CPLANE1: variants seen among roughly 807,000 people sequenced by gnomAD.
CPLANE1 encodes ciliogenesis and planar polarity effector 1.
A neutral mutation model predicts 362.5 loss-of-function variants in CPLANE1; 263 were observed. The observed-to-expected ratio is 0.73, with a 90% CI of 0.66 to 0.80. CPLANE1 has a LOEUF of 0.80. Ranked by LOEUF, CPLANE1 falls within the 30% of genes least tolerant of loss-of-function variation. The probability of loss-of-function intolerance (pLI) is 0.00; values close to 1 mark genes in which losing one functional copy is unlikely to be tolerated. For missense variants in CPLANE1, 3,461 were observed against 3,793.4 expected, an observed-to-expected ratio of 0.91 and a Z score of 2.30; for synonymous variants, 1,212 against 1,302.6, an observed-to-expected ratio of 0.93 and a Z score of 1.50.
the CPLANE1 span, among the ~76,000 whole-genome samples, chr5:37,076,795 G>T: frequency 6.7e-6 from 1 of 148,456 alleles, no homozygotes; most frequent in Non-Finnish European, 1.5e-5. Context: ...ATTTAATTTG[G>T]ATTTTCCCTT....
Position 37,168,852 on chromosome 5 carries a change from G to C in CPLANE1, c.7172C>G (p.Ala2391Gly). ...CAATCTTGGGTATTTTCTTTCTTCT[G>C]CTATAGGTTGGATAGGTGTTGAGGG... Reference protein sequence around the residue: ...TVPSTPIQPIAEERKYPRLSL... With the variant: ...TVPSTPIQPIGEERKYPRLSL... The change falls in exon 34 of 53, where the codon GCA (alanine) becomes GGA (glycine). Residue 2391 changes from alanine to glycine, a missense_variant. Ala to Gly is a moderately conservative substitution (Grantham distance 60). Coordinates refer to ENST00000651892, the MANE Select transcript of CPLANE1 (RefSeq NM_001384732.1). 6.2e-7 allele frequency: 1 copy of C among 1,613,902 alleles called. No individual in the cohort carries two copies. Among genetic ancestry groups the C allele is most frequent in the Non-Finnish European group, 8.5e-7 (1 of 1,179,858 alleles).
At chr5:37,199,402 ATT>A (rs1788520827) in intron 19 of CPLANE1, among the ~76,000 whole-genome samples, 1 of 152,138 alleles carries the variant, frequency 6.6e-6, no homozygotes, top group Non-Finnish European at 1.5e-5. Context: ...TCCTACTTAT[ATT>A]TCAATGTTAC....
chr5:37,159,301 C>T (rs1362226984), intron 38 of CPLANE1, among the ~76,000 whole-genome samples: 7 of 149,548 alleles, frequency 4.7e-5, no homozygotes, highest in Non-Finnish European at 8.9e-5. Flanking sequence ...TTAGTAGAGA[C>T]GGGGTTTCAC....
At chr5:37,099,543 T>C in the CPLANE1 span, among the ~76,000 whole-genome samples, 1 of 152,354 alleles carries the variant, frequency 6.6e-6, no homozygotes, top group Admixed American at 6.5e-5. Flanking sequence ...CAGTCTATCA[T>C]TGATGGGCAT....
intron 6 of CPLANE1, 36 bp downstream of exon 6, chr5:37,242,977 T>A: frequency 1.4e-6 from 2 of 1,419,396 alleles, no homozygotes; most frequent in South Asian, 1.3e-5. Context: ...GAAAAAAAAA[T>A]CAGTAAGAAA....
At chr5:37,220,749 G>A (rs1179071295) in intron 15 of CPLANE1, among the ~76,000 whole-genome samples, 1 of 152,128 alleles carries the variant, frequency 6.6e-6, no homozygotes, top group Non-Finnish European at 1.5e-5. Flanking sequence ...CTCATCTCCT[G>A]ACCTTGTGAT....
At position 37,120,237 on chromosome 5, in the gene CPLANE1, G is replaced by T; in HGVS notation, c.9289C>A (p.Gln3097Lys). Reference sequence around the variant, plus strand: ...TTACCATGTGGCCAAGGTGAGCCTTGAGGTTGCCCAAAAGACTTCCTCTTA... The same window carrying T: ...TTACCATGTGGCCAAGGTGAGCCTTTAGGTTGCCCAAAAGACTTCCTCTTA... Reference protein sequence around the residue: ...IHKRKSFGQPQGSPWPHGTAT... With the variant: ...IHKRKSFGQPKGSPWPHGTAT... The change falls in exon 50 of 53, where the codon CAA (glutamine) becomes AAA (lysine). Residue 3097 changes from glutamine to lysine, a missense_variant. Around this residue, in one of 2 missense-constraint regions of CPLANE1, gnomAD observed 3,380 missense variants for 3,666.1 expected, o/e 0.92. Transcript: ENST00000651892. 1.9e-6 allele frequency: 3 copies of T among 1,605,346 alleles called. No homozygotes were observed. Among genetic ancestry groups the T allele is most frequent in the Non-Finnish European group, 2.5e-6 (3 of 1,177,876 alleles).
At chr5:37,137,918 TG>T (rs1020426778) in intron 46 of CPLANE1, among the ~76,000 whole-genome samples, 31 of 150,682 alleles carry the variant, frequency 2.1e-4, no homozygotes, top group African/African-American at 5.5e-4. Context: ...ATATCAGGGT[TG>T]TTTTTTTTTT....
At chr5:37,092,505 A>G in the CPLANE1 span, among the ~76,000 whole-genome samples, 2 of 152,228 alleles carry the variant, frequency 1.3e-5, no homozygotes, top group Admixed American at 6.5e-5. Flanking sequence ...GTCACAGGGG[A>G]CAAGCCCATA....
rs34737149 is a variant in CPLANE1, at chr5:37,169,119, G to A, written c.6905C>T (p.Thr2302Met). 2,732 of 1,614,104 alleles carry A rather than the reference G, an allele frequency of 1.7e-3. 7 individuals are homozygous for A. Among genetic ancestry groups the A allele is most frequent in the East Asian group, 8.9e-3 (401 of 44,890 alleles). Residue 2302 changes from threonine to methionine, a missense_variant, in exon 34 of 53, where the codon ACG (threonine) becomes ATG (methionine). This residue lies in a region of CPLANE1 where 3,380 missense variants were observed against 3,666.1 expected (regional missense o/e 0.92). Coordinates refer to ENST00000651892, the MANE Select transcript of CPLANE1 (RefSeq NM_001384732.1). ...EARKKEVEQKTWAETVITEIP... is the reference protein window; with the variant it reads ...EARKKEVEQKMWAETVITEIP... ...TTCTGTAATTACAGTTTCTGCCCAC[G>A]TCTTCTGCTCAACTTCTTTTTTTCT...
chr5:37,218,772 AC>A (rs1246981952), intron 15 of CPLANE1, among the ~76,000 whole-genome samples: 1 of 151,722 alleles, frequency 6.6e-6, no homozygotes, highest in Non-Finnish European at 1.5e-5. Flanking sequence ...ATGTGGTGAA[AC>A]CCCGTCTCTA....
chr5:37,127,414 C>T (rs539431736), intron 46 of CPLANE1, among the ~76,000 whole-genome samples: 9 of 152,124 alleles, frequency 5.9e-5, no homozygotes, highest in Non-Finnish European at 1.2e-4. Context: ...ATCTGCTTTG[C>T]AGAGGACTTA....
rs148222188 is a variant in CPLANE1, at chr5:37,196,439, C to T, written c.3673-443G>A. 1.1e-3 allele frequency among the ~76,000 whole-genome samples: 172 copies of T among 152,084 alleles called. 1 individual carries two copies. Among genetic ancestry groups the T allele is most frequent in the African/African-American group, 3.9e-3 (162 of 41,494 alleles). ...AATTAGAAAGACACCATTTGGCAGC[C>T]CCTAATAATGACTCTAGGCAAGGAT... On this transcript the variant is annotated intron_variant, in intron 20 of 52. Transcript: ENST00000651892.
chr5:37,104,253 A>C (rs1188266266), downstream of CPLANE1, among the ~76,000 whole-genome samples: 4 of 152,166 alleles, frequency 2.6e-5, no homozygotes, highest in Admixed American at 1.3e-4. Context: ...TATTCTGGCT[A>C]TCAGCTCCTG....
chr5:37,112,378 A>T lies in CPLANE1; in HGVS notation c.9400+2582T>A, dbSNP rs187972212. 3.4e-3 allele frequency among the ~76,000 whole-genome samples: 523 copies of T among 152,286 alleles called. 2 individuals are homozygous for T. Among genetic ancestry groups the T allele is most frequent in the African/African-American group, 0.012 (503 of 41,548 alleles). ...CATTTTTCCAGGGTTTATCTGGGATATCCAATTTGAGATAAAAATATAATG... is the reference window on the plus strand; with the variant it reads ...CATTTTTCCAGGGTTTATCTGGGATTTCCAATTTGAGATAAAAATATAATG... On this transcript the variant is annotated intron_variant, in intron 51 of 52. Transcript: ENST00000651892.
intron 35 of CPLANE1, among the ~76,000 whole-genome samples, chr5:37,166,645 T>C (rs561536025): frequency 6.6e-6 from 1 of 152,274 alleles, no homozygotes; most frequent in South Asian, 2.1e-4. Context: ...AAAAACAAAA[T>C]ATATAATAGG....
At chr5:37,235,830 A>C (rs1012737008) in intron 8 of CPLANE1, among the ~76,000 whole-genome samples, 4 of 151,320 alleles carry the variant, frequency 2.6e-5, no homozygotes, top group African/African-American at 9.7e-5. Flanking sequence ...TTGGCCTCCC[A>C]AAGTGCTGGG....
chr5:37,199,080 C>T (rs187732170), intron 19 of CPLANE1, among the ~76,000 whole-genome samples: 11 of 117,880 alleles, frequency 9.3e-5, no homozygotes, highest in South Asian at 2.7e-4. Context: ...CTGGGCCACA[C>T]AGGGACACCC....
chr5:37,118,119 G>A (rs1446390659), intron 50 of CPLANE1, among the ~76,000 whole-genome samples: 3 of 152,116 alleles, frequency 2.0e-5, no homozygotes, highest in Non-Finnish European at 4.4e-5. Context: ...AGCTGGTCAG[G>A]CATGATAGCT....
Sources: gnomAD v4.1 joint callset for allele counts (sites outside exome capture counted in the v4.1 genomes callset) on GRCh38, gnomAD v4.1.1 for gene constraint, gnomAD v4.1.1 regional missense constraint, MANE v1.5 for transcripts, NCBI Gene and HGNC (gene_info 2026-07-23, HGNC 2026-07-21) for gene names.